BCAS3: variants seen among roughly 807,000 people sequenced by gnomAD.
BCAS3 encodes the protein BCAS4/BCAS3 fusion.
BCAS3 carries 53 observed loss-of-function variants against 116.1 expected under a neutral mutation model. The observed-to-expected ratio is 0.46, with a 90% CI of 0.37 to 0.57. BCAS3 has a LOEUF of 0.57. Ranked by LOEUF, BCAS3 falls within the 20% of genes least tolerant of loss-of-function variation. BCAS3 has a pLI of 0.00. For synonymous variants in BCAS3, 391 were observed against 408.2 expected (o/e 0.96, Z 0.51); for missense variants, 917 against 1,165.4 (o/e 0.79, Z 3.10).
chr17:60,976,031 T>TG (rs2062333580), intron 14 of BCAS3, among the ~76,000 whole-genome samples: 1 of 124,706 alleles, frequency 8.0e-6, no homozygotes, highest in African/African-American at 3.2e-5. Context: ...TTTTTTTTTT[T>TG]TTTTTTTTTC....
intron 15 of BCAS3, among the ~76,000 whole-genome samples, chr17:61,009,627 TTTA>T (rs2064971411): frequency 6.6e-6 from 1 of 152,080 alleles, no homozygotes; most frequent in South Asian, 2.1e-4. Context: ...ACATTCATTT[TTTA>T]TTTTCCCTCT....
chr17:61,381,936 C>T lies in BCAS3; in HGVS notation c.2594-10041C>T, dbSNP rs2059622178. Among the ~76,000 whole-genome samples, 1 of 152,208 alleles carries T rather than the reference C, an allele frequency of 6.6e-6. No individual in the cohort carries two copies. The highest frequency in any genetic ancestry group is 1.5e-5 in the Non-Finnish European group (1 of 68,040). On this transcript the variant is annotated intron_variant, in intron 23 of 23. Transcript: ENST00000407086. This position sits in a 1 kb window ranked among gnomAD's most constrained non-coding sequence, Gnocchi z 6.0. ...AACTGGTCATCCTCTCCCCAACCTT[C>T]ATTGGTCTCTGGGTAGCAGCCACAG... is the stretch of plus-strand genomic sequence containing the variant.
At chr17:61,043,564 G>A (rs1036947240) in intron 19 of BCAS3, among the ~76,000 whole-genome samples, 4 of 151,928 alleles carry the variant, frequency 2.6e-5, no homozygotes, top group African/African-American at 9.7e-5. Flanking sequence ...GTCTGTGTGG[G>A]TTTTCAGTGG....
At chr17:60,857,206 G>T (rs2053755674) in intron 7 of BCAS3, among the ~76,000 whole-genome samples, 3 of 152,128 alleles carry the variant, frequency 2.0e-5, no homozygotes, top group Admixed American at 2.0e-4. Flanking sequence ...GTATATATGG[G>T]ATCCTGGGCA....
intron 1 of BCAS3, among the ~76,000 whole-genome samples, chr17:60,678,806 T>G (rs1416430720): frequency 1.3e-5 from 2 of 152,184 alleles, no homozygotes; most frequent in African/African-American, 2.4e-5. Flanking sequence ...AACATAAAAT[T>G]GCAGTAAATT....
At chr17:61,341,463 G>A (rs776732088) in intron 22 of BCAS3, among the ~76,000 whole-genome samples, 17 of 152,202 alleles carry the variant, frequency 1.1e-4, no homozygotes. Flanking sequence ...AACCCTTCAA[G>A]TGGAGAGGCA....
intron 22 of BCAS3, among the ~76,000 whole-genome samples, chr17:61,225,268 A>C (rs1458413069): frequency 6.6e-6 from 1 of 151,906 alleles, no homozygotes; most frequent in Non-Finnish European, 1.5e-5. Flanking sequence ...TTATGTGGTA[A>C]ATATAATAAT....
chr17:60,999,512 A>G (rs1406737548), intron 15 of BCAS3, among the ~76,000 whole-genome samples: 1 of 147,772 alleles, frequency 6.8e-6, no homozygotes, highest in Non-Finnish European at 1.5e-5. Context: ...GAGCCATTGC[A>G]CTCCAGCCTG....
intron 10 of BCAS3, among the ~76,000 whole-genome samples, chr17:60,901,042 C>T (rs759038117): frequency 6.6e-6 from 1 of 151,806 alleles, no homozygotes; most frequent in Admixed American, 6.6e-5. Flanking sequence ...AACCTCGTCT[C>T]TACTAAAAAT....
intron 22 of BCAS3, among the ~76,000 whole-genome samples, chr17:61,274,212 T>C (rs2050579629): frequency 6.6e-6 from 1 of 151,876 alleles, no homozygotes; most frequent in African/African-American, 2.4e-5. Flanking sequence ...ATGCGGTGTT[T>C]AGTTTTTTGT....
intron 19 of BCAS3, among the ~76,000 whole-genome samples, chr17:61,048,406 G>A (rs372602027): frequency 1.6e-4 from 25 of 152,086 alleles, no homozygotes; most frequent in African/African-American, 5.1e-4. Flanking sequence ...TTAGTTTATC[G>A]TCTTTGGAGT....
chr17:61,154,628 A>G (rs1238032968), intron 22 of BCAS3, among the ~76,000 whole-genome samples: 1 of 151,902 alleles, frequency 6.6e-6, no homozygotes, highest in Non-Finnish European at 1.5e-5. Context: ...TTTTTTCTAT[A>G]GATGAGATCT....
At position 61,366,565 on chromosome 17, in the gene BCAS3, G is replaced by A. The variant is rs1236256335; in HGVS notation, c.2426-1762G>A. The stretch of plus-strand genomic sequence containing the variant: ...ACAGCTCTAGCACAGTTCAGGCCTT[G>A]GGAGAATTATCTGACACCCAGCCGT... On this transcript the variant is annotated intron_variant, in intron 22 of 23. Coordinates refer to ENST00000407086, the MANE Select transcript of BCAS3 (RefSeq NM_017679.5). This position sits in a 1 kb window ranked among gnomAD's most constrained non-coding sequence, Gnocchi z 4.5. 6.6e-6 allele frequency among the ~76,000 whole-genome samples: 1 copy of A among 152,188 alleles called. No homozygotes were observed. Among genetic ancestry groups the A allele is most frequent in the Non-Finnish European group, 1.5e-5 (1 of 68,038 alleles).
intron 5 of BCAS3, chr17:60,727,330 T>C: frequency 7.2e-7 from 1 of 1,388,810 alleles, no homozygotes. Flanking sequence ...AAACTGGCCT[T>C]CTCTGCCCAC....
At chr17:60,693,600 T>A (rs1263262524) in intron 4 of BCAS3, among the ~76,000 whole-genome samples, 1 of 151,170 alleles carries the variant, frequency 6.6e-6, no homozygotes, top group Admixed American at 6.6e-5. Context: ...CTTTTTGTAG[T>A]TGGGGTCTCA....
chr17:60,796,426 G>A (rs2047220734), intron 6 of BCAS3, among the ~76,000 whole-genome samples: 1 of 151,308 alleles, frequency 6.6e-6, no homozygotes, highest in African/African-American at 2.4e-5. Context: ...GCCTGTTGAG[G>A]GTGTCTAATT....
At chr17:60,969,301 C>T (rs1600095222) in intron 14 of BCAS3, among the ~76,000 whole-genome samples, 1 of 152,020 alleles carries the variant, frequency 6.6e-6, no homozygotes, top group Admixed American at 6.6e-5. Context: ...TATTACTATG[C>T]TCAGTGATAT....
At chr17:61,080,469 G>A (rs144624014) in intron 21 of BCAS3, among the ~76,000 whole-genome samples, 1 of 152,154 alleles carries the variant, frequency 6.6e-6, no homozygotes, top group East Asian at 1.9e-4. Flanking sequence ...ATTCAGCCAG[G>A]CGTGGTGGCT....
intron 19 of BCAS3, among the ~76,000 whole-genome samples, chr17:61,044,465 A>AAATAT: frequency 3.7e-4 from 44 of 120,120 alleles, no homozygotes; most frequent in African/African-American, 2.2e-3. Context: ...AAAAAAAAAA[A>AAATAT]ATATATATAT....
Sources: allele counts gnomAD v4.1 joint callset (sites outside exome capture counted in the v4.1 genomes callset), GRCh38; gene constraint gnomAD v4.1.1; non-coding constraint Gnocchi (gnomAD v3.1); transcripts MANE v1.5; gene names NCBI Gene and HGNC (gene_info 2026-07-23, HGNC 2026-07-21).